The following WWC2 variants were observed in gnomAD, a reference collection of about 807,000 sequenced individuals.
WWC2 encodes the protein protein WWC2.
In WWC2, 101 loss-of-function variants were observed where a neutral mutation model predicts 138.5. That is an observed-to-expected ratio of 0.73 (90% CI 0.62 to 0.86). The LOEUF is 0.86. WWC2 is among the 40% of genes least tolerant of loss of function. The probability of loss-of-function intolerance (pLI) is 0.00; values close to 1 mark genes in which losing one functional copy is unlikely to be tolerated. For synonymous variants in WWC2, 558 were observed against 538.4 expected, an observed-to-expected ratio of 1.04 and a Z score of -0.50; for missense variants, 1,420 against 1,419.4, an observed-to-expected ratio of 1.00 and a Z score of -0.01.
rs570099162 is a variant in WWC2, at chr4:183,253,999, G to A, written c.1196G>A (p.Arg399Lys). 3 of 1,611,408 alleles carry A rather than the reference G, an allele frequency of 1.9e-6. No homozygotes were observed. Among genetic ancestry groups the A allele is most frequent in the South Asian group, 2.2e-5 (2 of 90,780 alleles). Residue 399 changes from arginine (R) to lysine (K), a missense_variant and splice_region_variant, in exon 9 of 23, where the codon AGA becomes AAA. Transcript: ENST00000403733. Reference sequence around the variant, plus strand: ...ACACCAAGCAGAGCTCTGGCCGAGAGGTTTGTTTTCCTTCTGGAAATAGGG... The same window carrying A: ...ACACCAAGCAGAGCTCTGGCCGAGAAGTTTGTTTTCCTTCTGGAAATAGGG... ...RGTPSRALAE[R>K]LRLEERRKEL... is the part of the protein sequence containing the mutation.
intron 1 of WWC2, among the ~76,000 whole-genome samples, chr4:183,120,291 T>C (rs992879567): frequency 6.6e-6 from 1 of 152,230 alleles, no homozygotes; most frequent in African/African-American, 2.4e-5. Flanking sequence ...AATCATAGCA[T>C]ATAGAATGAA....
At chr4:183,314,596 G>A (rs890142072) in intron 22 of WWC2, among the ~76,000 whole-genome samples, 1 of 152,190 alleles carries the variant, frequency 6.6e-6, no homozygotes, top group Admixed American at 6.5e-5. Context: ...TCAGGAGCCC[G>A]ATGGTCCCTG....
chr4:183,215,174 T>C (rs1041528715), intron 4 of WWC2, among the ~76,000 whole-genome samples: 2 of 152,242 alleles, frequency 1.3e-5, no homozygotes, highest in Admixed American at 1.3e-4. Context: ...AGTAAGGGAT[T>C]ACGACAATGA....
At position 183,221,705 on chromosome 4, in the gene WWC2, A is replaced by G. The variant is rs553693402; in HGVS notation, c.522+12680A>G. ...CATTTAAAAATATTTTGAACTAAATAAAAGGGAAAATACACTGTATAAACA... is the reference window on the plus strand; with the variant it reads ...CATTTAAAAATATTTTGAACTAAATGAAAGGGAAAATACACTGTATAAACA... On this transcript the variant is annotated intron_variant, in intron 4 of 22. Transcript: ENST00000403733. Among the ~76,000 whole-genome samples, 4 of 152,362 alleles carry G rather than the reference A, an allele frequency of 2.6e-5. No individual in the cohort carries two copies. The South Asian group carries it at 8.3e-4, about 32-fold the overall frequency.
At chr4:183,178,742 T>C (rs1364156648) in intron 1 of WWC2, among the ~76,000 whole-genome samples, 5 of 152,182 alleles carry the variant, frequency 3.3e-5, no homozygotes, top group Admixed American at 6.5e-5. Context: ...CTCAGTCTGA[T>C]CTAGCTGAGC....
At chr4:183,266,143 C>T (rs754933799) in intron 14 of WWC2, among the ~76,000 whole-genome samples, 192 bp downstream of exon 14, 4 of 152,182 alleles carry the variant, frequency 2.6e-5, no homozygotes, top group Non-Finnish European at 4.4e-5. Flanking sequence ...TTAATTCTTA[C>T]TCAACTGATT....
At chr4:183,213,890 T>C (rs1735676028) in intron 4 of WWC2, among the ~76,000 whole-genome samples, 3 of 151,624 alleles carry the variant, frequency 2.0e-5, no homozygotes, top group Admixed American at 2.0e-4. Context: ...ATATAAACTG[T>C]CTCATGCAAA....
At chr4:183,186,061 C>T (rs554490642) in intron 1 of WWC2, among the ~76,000 whole-genome samples, 9 of 151,748 alleles carry the variant, frequency 5.9e-5, no homozygotes, top group African/African-American at 1.7e-4. Flanking sequence ...CATTCTCCCA[C>T]CTCAGTCTCC....
intron 21 of WWC2, among the ~76,000 whole-genome samples, chr4:183,310,729 T>G (rs1422659980): frequency 2.8e-5 from 4 of 144,364 alleles, no homozygotes; most frequent in Non-Finnish European, 6.0e-5. Flanking sequence ...GGTCTCAAAC[T>G]CCTGGCCTTG....
chr4:183,126,237 C>G (rs1399460592), intron 1 of WWC2, among the ~76,000 whole-genome samples: 2 of 152,184 alleles, frequency 1.3e-5, no homozygotes, highest in Non-Finnish European at 2.9e-5. Flanking sequence ...GCTGACAGAA[C>G]TGGGTGAGAA....
At chr4:183,154,140 C>T (rs146437462) in intron 1 of WWC2, among the ~76,000 whole-genome samples, 1,706 of 149,282 alleles carry the variant, frequency 0.011, 34 homozygotes, top group African/African-American at 0.04. Context: ...CTTATTTGAT[C>T]TTTTTAAGCA....
chr4:183,222,228 A>G (rs1248154227), intron 4 of WWC2, among the ~76,000 whole-genome samples: 1 of 152,170 alleles, frequency 6.6e-6, no homozygotes, highest in Non-Finnish European at 1.5e-5. Context: ...CATATTGTAC[A>G]TTTAAAATTT....
At chr4:183,247,531 C>CTA (rs1736817242) in intron 6 of WWC2, among the ~76,000 whole-genome samples, 2 of 139,984 alleles carry the variant, frequency 1.4e-5, no homozygotes, top group African/African-American at 5.3e-5. Flanking sequence ...TATATATATA[C>CTA]TATATATACT....
At position 183,265,920 on chromosome 4, in the gene WWC2, C is replaced by G; in HGVS notation, c.2176C>G (p.His726Asp). 1 of 1,613,260 alleles carries G rather than the reference C, an allele frequency of 6.2e-7. No homozygotes were observed. Among genetic ancestry groups the G allele is most frequent in the African/African-American group, 1.3e-5 (1 of 75,060 alleles). The stretch of plus-strand genomic sequence containing the variant: ...GATTATAGCACAGCTCCGAAACCTT[C>G]ATGCCTTCTTGATACCTCATACTTC... ...MVIIAQLRNL[H>D]AFLIPHTSKV... Residue 726 changes from histidine (H) to aspartate (D), a missense_variant, in exon 14 of 23, where the codon CAT becomes GAT. By Grantham distance (81) the His-to-Asp change is moderately conservative. Coordinates refer to ENST00000403733, the MANE Select transcript of WWC2 (RefSeq NM_024949.6).
intron 1 of WWC2, among the ~76,000 whole-genome samples, chr4:183,120,432 C>A (rs904703678): frequency 6.6e-6 from 1 of 152,140 alleles, no homozygotes; most frequent in Non-Finnish European, 1.5e-5. Flanking sequence ...CCATTTTGAA[C>A]AAGGCATCTT....
At chr4:183,299,083 G>A (rs973370873) in intron 21 of WWC2, among the ~76,000 whole-genome samples, 1 of 152,148 alleles carries the variant, frequency 6.6e-6, no homozygotes, top group Non-Finnish European at 1.5e-5. Flanking sequence ...CAGTTCGGGA[G>A]GCTGGAAAGT....
At chr4:183,164,341 A>G (rs1230157655) in intron 1 of WWC2, among the ~76,000 whole-genome samples, 12 of 784 alleles carry the variant, frequency 0.015, 1 homozygote, top group African/African-American at 0.021. Context: ...ATATATACAT[A>G]TATATATTAT....
intron 1 of WWC2, among the ~76,000 whole-genome samples, chr4:183,180,983 A>G (rs1438222271): frequency 6.6e-6 from 1 of 152,246 alleles, no homozygotes; most frequent in Admixed American, 6.5e-5. Flanking sequence ...ACACACCATT[A>G]TAAGACTTTA....
intron 2 of WWC2, among the ~76,000 whole-genome samples, chr4:183,198,389 A>AT (rs1735201981): frequency 1.3e-5 from 2 of 152,122 alleles, no homozygotes; most frequent in African/African-American, 4.8e-5. Flanking sequence ...GTTTCTTAAA[A>AT]TTTATTTTTG....
Sources: gnomAD v4.1 joint callset for allele counts (sites outside exome capture counted in the v4.1 genomes callset) on GRCh38, gnomAD v4.1.1 for gene constraint, MANE v1.5 for transcripts, NCBI Gene and HGNC (gene_info 2026-07-23, HGNC 2026-07-21) for gene names.